ADCK1: variants seen among roughly 807,000 people sequenced by gnomAD.
ADCK1 encodes aarF domain-containing protein kinase 1.
Under a neutral mutation model 52.3 loss-of-function variants are expected in ADCK1, and 41 were observed. The ratio of observed to expected loss-of-function variants is 0.78; its 90% CI spans 0.61 to 1.02. The LOEUF (loss-of-function observed/expected upper bound fraction) is 1.02. Ranked by LOEUF, ADCK1 falls within the 50% of genes least tolerant of loss-of-function variation. The probability of loss-of-function intolerance (pLI) is 0.00; values close to 1 mark genes in which losing one functional copy is unlikely to be tolerated. For missense variants in ADCK1, 658 were observed against 679.5 expected (o/e 0.97, Z 0.35); for synonymous variants, 250 against 274.6 (o/e 0.91, Z 0.89).
intron 3 of ADCK1, among the ~76,000 whole-genome samples, chr14:77,842,107 A>G (rs928997759): frequency 6.6e-6 from 1 of 152,098 alleles, no homozygotes; most frequent in Non-Finnish European, 1.5e-5. Flanking sequence ...ACAATCAAAC[A>G]TGACACACAA....
At chr14:77,916,233 C>G (rs1566732944) in intron 7 of ADCK1, among the ~76,000 whole-genome samples, 1 of 151,946 alleles carries the variant, frequency 6.6e-6, no homozygotes, top group Non-Finnish European at 1.5e-5. Flanking sequence ...CCCTAGGACC[C>G]CTCCCACCTG....
chr14:77,882,109 A>G (rs923691674), intron 4 of ADCK1, among the ~76,000 whole-genome samples: 2 of 150,712 alleles, frequency 1.3e-5, no homozygotes, highest in African/African-American at 4.9e-5. Flanking sequence ...GCAGAGTCCT[A>G]GATAGCTGGA....
chr14:77,846,074 C>T (rs2082167373), intron 3 of ADCK1, among the ~76,000 whole-genome samples: 1 of 152,144 alleles, frequency 6.6e-6, no homozygotes, highest in South Asian at 2.1e-4. Flanking sequence ...TGTGGTTCCC[C>T]AAGAACCAGC....
chr14:77,896,028 TTC>T (rs1162269555), intron 5 of ADCK1, among the ~76,000 whole-genome samples: 1 of 152,212 alleles, frequency 6.6e-6, no homozygotes, highest in Non-Finnish European at 1.5e-5. Context: ...CTGTAAAGTT[TTC>T]TGTGTTATGA....
chr14:77,863,662 C>A (rs940519488), intron 4 of ADCK1, among the ~76,000 whole-genome samples: 4 of 151,990 alleles, frequency 2.6e-5, no homozygotes, highest in African/African-American at 9.7e-5. Context: ...CATGGGGAAA[C>A]CCTGTCTCTA....
intron 4 of ADCK1, among the ~76,000 whole-genome samples, chr14:77,881,674 G>A (rs1403810632): frequency 1.3e-5 from 2 of 152,062 alleles, no homozygotes; most frequent in Admixed American, 1.3e-4. Flanking sequence ...TTAATTAATT[G>A]TAAAGACAGA....
intron 3 of ADCK1, among the ~76,000 whole-genome samples, chr14:77,849,108 G>T (rs371805845): frequency 6.6e-6 from 1 of 152,196 alleles, no homozygotes; most frequent in African/African-American, 2.4e-5. Flanking sequence ...GATTATAGGC[G>T]TGAGCCACCG....
chr14:77,866,517 G>C (rs915316134), intron 4 of ADCK1, among the ~76,000 whole-genome samples: 1 of 152,194 alleles, frequency 6.6e-6, no homozygotes, highest in African/African-American at 2.4e-5. Context: ...GGGCAGCTCA[G>C]CTGGTTAGGG....
chr14:77,841,774 A>G (rs1397971681), intron 3 of ADCK1, among the ~76,000 whole-genome samples: 2 of 144,234 alleles, frequency 1.4e-5, no homozygotes, highest in African/African-American at 5.2e-5. Context: ...AACTTGGGAG[A>G]TGGAGGTTGC....
intron 3 of ADCK1, among the ~76,000 whole-genome samples, chr14:77,822,753 G>A (rs955408341): frequency 5.9e-5 from 9 of 152,148 alleles, no homozygotes; most frequent in African/African-American, 2.2e-4. Context: ...GGGGGCATTG[G>A]CCACTGAGGG....
At chr14:77,902,699 G>T (rs2083573561) in intron 6 of ADCK1, 1 of 152,258 alleles carries the variant, frequency 6.6e-6, no homozygotes, top group South Asian at 2.1e-4. Context: ...CTGTGTTTCT[G>T]TGGATTCCCA....
chr14:77,836,680 C>T (rs556808346), intron 3 of ADCK1, among the ~76,000 whole-genome samples: 17 of 152,234 alleles, frequency 1.1e-4, no homozygotes, highest in African/African-American at 4.1e-4. Context: ...CCCTTCCTTG[C>T]CTTTTCTGGT....
At chr14:77,914,066 A>G (rs2083860360) in intron 7 of ADCK1, among the ~76,000 whole-genome samples, 1 of 152,028 alleles carries the variant, frequency 6.6e-6, no homozygotes, top group Non-Finnish European at 1.5e-5. Context: ...TCTTTTTCAG[A>G]ACCCCCAAAT....
intron 1 of ADCK1, among the ~76,000 whole-genome samples, chr14:77,808,732 C>T (rs748212922): frequency 3.9e-5 from 6 of 152,100 alleles, no homozygotes; most frequent in African/African-American, 1.4e-4. Flanking sequence ...CCCACTACCA[C>T]GCCTGGTTAA....
intron 3 of ADCK1, among the ~76,000 whole-genome samples, chr14:77,834,353 G>T (rs1004694137): frequency 1.3e-5 from 2 of 152,146 alleles, no homozygotes; most frequent in African/African-American, 4.8e-5. Flanking sequence ...CTGCAAGGTC[G>T]TACTTTGAGA....
chr14:77,872,118 C>A (rs960229682), intron 4 of ADCK1, among the ~76,000 whole-genome samples: 3 of 152,216 alleles, frequency 2.0e-5, no homozygotes, highest in Admixed American at 2.0e-4. Flanking sequence ...TTTCCTCTGT[C>A]CTGGGCATGA....
chr14:77,915,505 C>A (rs2083902552), intron 7 of ADCK1, among the ~76,000 whole-genome samples: 1 of 151,990 alleles, frequency 6.6e-6, no homozygotes, highest in Admixed American at 6.6e-5. Context: ...GACTTGGAAC[C>A]AAGCCAAATG....
At chr14:77,886,370 G>T (rs2083146664) in intron 4 of ADCK1, among the ~76,000 whole-genome samples, 1 of 152,194 alleles carries the variant, frequency 6.6e-6, no homozygotes, top group East Asian at 1.9e-4. Flanking sequence ...GCTGCCCCGG[G>T]CCCACATTCT....
intron 6 of ADCK1, among the ~76,000 whole-genome samples, chr14:77,901,877 G>A (rs1427605236): frequency 5.3e-5 from 8 of 152,150 alleles, no homozygotes; most frequent in Admixed American, 2.0e-4. Flanking sequence ...TGTCTACACT[G>A]AGCTTAGCTT....
Sources: gnomAD v4.1 joint callset for allele counts (sites outside exome capture counted in the v4.1 genomes callset) on GRCh38, gnomAD v4.1.1 for gene constraint, MANE v1.5 for transcripts, NCBI Gene and HGNC (gene_info 2026-07-23, HGNC 2026-07-21) for gene names.